PDE1C: variants seen among roughly 807,000 people sequenced by gnomAD.
PDE1C encodes the protein phosphodiesterase 1C, also known as dual specificity calcium/calmodulin-dependent 3',5'-cyclic nucleotide phosphodiesterase 1C.
Under a neutral mutation model 93.1 loss-of-function variants are expected in PDE1C, and 62 were observed. The observed-to-expected ratio is 0.67, with a 90% confidence interval of 0.54 to 0.82. The LOEUF is 0.82. Ranked by LOEUF, PDE1C falls within the 40% of genes least tolerant of loss-of-function variation. The pLI is 0.00. For synonymous variants in PDE1C, 325 were observed against 310.1 expected (o/e 1.05, Z -0.50); for missense variants, 742 against 884.6 (o/e 0.84, Z 2.04).
intron 1 of PDE1C, among the ~76,000 whole-genome samples, chr7:32,262,536 T>A (rs1810286620): frequency 6.6e-6 from 1 of 152,156 alleles, no homozygotes. Flanking sequence ...TGGGAGAACA[T>A]CTGGCACACA....
At chr7:31,950,031 A>T (rs770908236) in intron 2 of PDE1C, among the ~76,000 whole-genome samples, 28 of 152,342 alleles carry the variant, frequency 1.8e-4, no homozygotes, top group Non-Finnish European at 3.1e-4. Context: ...GAAGAAGTAC[A>T]TATCCTTCTA....
At chr7:32,371,738 C>T (rs73306180) in intron 1 of PDE1C, among the ~76,000 whole-genome samples, 4,435 of 152,176 alleles carry the variant, frequency 0.029, 220 homozygotes, top group African/African-American at 0.1. Flanking sequence ...TGTTCATGGA[C>T]GAAAAGATTT....
intron 3 of PDE1C, among the ~76,000 whole-genome samples, chr7:32,167,186 C>T (rs1015688678): frequency 2.6e-5 from 4 of 152,192 alleles, no homozygotes; most frequent in Non-Finnish European, 5.9e-5. Context: ...TTAGAGCAGA[C>T]TGTCCCTTTG....
the PDE1C span, among the ~76,000 whole-genome samples, chr7:31,698,985 G>A: frequency 6.6e-6 from 1 of 152,126 alleles, no homozygotes; most frequent in African/African-American, 2.4e-5. Context: ...TATGTGCCAG[G>A]CACAGCTCAA....
intron 2 of PDE1C, among the ~76,000 whole-genome samples, chr7:32,183,650 T>G (rs1335061119): frequency 6.6e-6 from 1 of 152,070 alleles, no homozygotes; most frequent in African/African-American, 2.4e-5. Flanking sequence ...AAAAATTAAT[T>G]CAAGATGGAT....
the PDE1C span, among the ~76,000 whole-genome samples, chr7:31,626,756 A>C: frequency 3.8e-3 from 572 of 152,320 alleles, 2 homozygotes; most frequent in Admixed American, 9.7e-3. Context: ...CTACTACTAC[A>C]CATGCTCAGA....
At chr7:31,737,854 C>A in the PDE1C span, among the ~76,000 whole-genome samples, 1 of 151,026 alleles carries the variant, frequency 6.6e-6, no homozygotes, top group East Asian at 1.9e-4. Context: ...CAAAAACACT[C>A]TAGTTTTGAT....
At chr7:31,799,590 C>T (rs953155206) in intron 16 of PDE1C, among the ~76,000 whole-genome samples, 1 of 151,596 alleles carries the variant, frequency 6.6e-6, no homozygotes, top group African/African-American at 2.4e-5. Context: ...ACAGAAAAAA[C>T]ACATACATTT....
intron 1 of PDE1C, among the ~76,000 whole-genome samples, chr7:32,379,251 C>T (rs1218881339): frequency 6.6e-6 from 1 of 152,154 alleles, no homozygotes; most frequent in East Asian, 1.9e-4. Flanking sequence ...ACCAACATCC[C>T]CAAACATCCT....
At chr7:31,976,730 T>C (rs1811718262) in intron 2 of PDE1C, among the ~76,000 whole-genome samples, 1 of 152,156 alleles carries the variant, frequency 6.6e-6, no homozygotes, top group Non-Finnish European at 1.5e-5. Context: ...GTGAGCCCTT[T>C]AAAACATATA....
chr7:32,341,441 C>G (rs1027969362), intron 1 of PDE1C, among the ~76,000 whole-genome samples: 3 of 151,876 alleles, frequency 2.0e-5, no homozygotes, highest in Non-Finnish European at 4.4e-5. Context: ...TCCCAAAGTG[C>G]TGGGATTACA....
At chr7:31,838,268 T>G (rs1791370890) in intron 9 of PDE1C, among the ~76,000 whole-genome samples, 1 of 152,188 alleles carries the variant, frequency 6.6e-6, no homozygotes, top group African/African-American at 2.4e-5. Context: ...TCCAAATGAA[T>G]TCAGAGTTTT....
chr7:32,398,311 A>AAAAAAAAG (rs1554317321), intron 1 of PDE1C, among the ~76,000 whole-genome samples: 1 of 151,688 alleles, frequency 6.6e-6, no homozygotes, highest in African/African-American at 2.4e-5. Flanking sequence ...TCAAAAAAAA[A>AAAAAAAAG]AAAAAGAAAA....
chr7:32,400,423 G>T (rs1289068707), intron 1 of PDE1C, among the ~76,000 whole-genome samples: 1 of 150,934 alleles, frequency 6.6e-6, no homozygotes, highest in African/African-American at 2.5e-5. Context: ...GCAAAAAAAA[G>T]AAAAAAGAAA....
At chr7:31,837,776 G>A (rs1251436037) in intron 10 of PDE1C, 94 bp downstream of exon 10, 2 of 786,402 alleles carry the variant, frequency 2.5e-6, no homozygotes, top group African/African-American at 1.7e-5. Flanking sequence ...ATAAAGTTGT[G>A]TTAAAGGAGA....
the PDE1C span, among the ~76,000 whole-genome samples, chr7:31,691,256 A>G: frequency 3.9e-5 from 6 of 152,152 alleles, no homozygotes; most frequent in Non-Finnish European, 8.8e-5. Context: ...CTTTTCAGAG[A>G]AAACCGGTTT....
chr7:32,414,690 A>C (rs1432378752), intron 1 of PDE1C, among the ~76,000 whole-genome samples: 1 of 152,190 alleles, frequency 6.6e-6, no homozygotes, highest in Non-Finnish European at 1.5e-5. Flanking sequence ...CTGATGCCTA[A>C]ACAGTTATCG....
intron 2 of PDE1C, among the ~76,000 whole-genome samples, chr7:31,901,887 T>C (rs1259577461): frequency 6.6e-6 from 1 of 151,542 alleles, no homozygotes; most frequent in African/African-American, 2.4e-5. Context: ...GAACAAATAG[T>C]ATATAACGTT....
chr7:32,423,365 A>C (rs1562718474), intron 1 of PDE1C, among the ~76,000 whole-genome samples: 1 of 152,198 alleles, frequency 6.6e-6, no homozygotes, highest in South Asian at 2.1e-4. Context: ...CAAGACAGTG[A>C]GACCCTGTAT....
Sources: gnomAD v4.1 joint callset for allele counts (sites outside exome capture counted in the v4.1 genomes callset) on GRCh38, gnomAD v4.1.1 for gene constraint, MANE v1.5 for transcripts, NCBI Gene and HGNC (gene_info 2026-07-23, HGNC 2026-07-21) for gene names.